PCDHGA3: variants seen among roughly 807,000 people sequenced by gnomAD.
PCDHGA3 encodes protocadherin gamma-A3.
PCDHGA3 carries 40 observed loss-of-function variants against 58.5 expected under a neutral mutation model. The ratio of observed to expected loss-of-function variants is 0.68; its 90% CI spans 0.53 to 0.89. The LOEUF (loss-of-function observed/expected upper bound fraction) is 0.89, where lower values mean the gene tolerates loss of function less well. Among genes scored for constraint, PCDHGA3 ranks in the 40% least tolerant of loss-of-function variants. PCDHGA3 has a pLI of 0.00. For missense variants in PCDHGA3, 1,223 were observed against 1,195.9 expected (o/e 1.02, Z -0.33); for synonymous variants, 530 against 525.7 (o/e 1.01, Z -0.11).
intron 2 of PCDHGA3, among the ~76,000 whole-genome samples, chr5:141,497,781 C>T (rs2099779421): frequency 1.3e-5 from 2 of 152,192 alleles, no homozygotes; most frequent in African/African-American, 4.8e-5. Flanking sequence ...CTCAACTGAT[C>T]CACCTGCTTC....
chr5:141,500,258 G>A lies in PCDHGA3; in HGVS notation c.2484-5135G>A, dbSNP rs2099798463. On this transcript the variant is annotated intron_variant, in intron 2 of 3. Coordinates refer to ENST00000253812, the MANE Select transcript of PCDHGA3 (RefSeq NM_018916.4). ...TAGCCTTGCTCTGTCACCCAGGCTG[G>A]ACTGCAGTGGCGCAATCTCGGCTCA... Among the ~76,000 whole-genome samples the A allele has an allele frequency of 2.0e-5, 3 of 150,738 alleles. No homozygotes were observed. In the South Asian group the frequency reaches 6.3e-4, roughly 32 times the overall value.
At chr5:141,351,600 T>C (rs1758767582) in intron 1 of PCDHGA3, 1 of 1,613,908 alleles carries the variant, frequency 6.2e-7, no homozygotes, top group Admixed American at 1.7e-5. Context: ...AATGCACCTG[T>C]TTTCCATCAG....
At chr5:141,478,161 C>T (rs201111122) in intron 1 of PCDHGA3, 20 of 1,613,852 alleles carry the variant, frequency 1.2e-5, no homozygotes, top group Admixed American at 3.3e-5. Context: ...TCTGGCTCTG[C>T]CCCCCGGGAG....
Position 141,502,485 on chromosome 5 carries a change from G to A in PCDHGA3, c.2484-2908G>A, listed in dbSNP as rs187600890. ...AATACTTCCCGCAGCATCACACTGG[G>A]ACTCATCTAACGTCGGCCTGTCCCA... On this transcript the variant is annotated intron_variant, in intron 2 of 3. Coordinates refer to ENST00000253812, the MANE Select transcript of PCDHGA3 (RefSeq NM_018916.4). 8.4e-3 allele frequency among the ~76,000 whole-genome samples: 1,276 copies of A among 152,270 alleles called. 22 individuals carry two copies. Among genetic ancestry groups the A allele is most frequent in the African/African-American group, 0.028 (1,151 of 41,542 alleles).
chr5:141,431,464 G>A lies in PCDHGA3; in HGVS notation c.2425-63343G>A. The A allele has an allele frequency of 1.9e-6, 3 of 1,613,782 alleles. No individual in the cohort carries two copies. Among genetic ancestry groups the A allele is most frequent in the Non-Finnish European group, 1.7e-6 (2 of 1,179,972 alleles). ...GCATCCGCGTGATGGTTCTGGATGC[G>A]AACGACAACGCACCAGCGTTTGCTC... On this transcript the variant is annotated intron_variant, in intron 1 of 3. Coordinates refer to ENST00000253812, the MANE Select transcript of PCDHGA3 (RefSeq NM_018916.4). This position sits in a 1 kb window ranked among gnomAD's most constrained non-coding sequence, Gnocchi z 4.8.
Position 141,374,612 on chromosome 5 carries a change from C to T in PCDHGA3, c.2424+28155C>T. The T allele has an allele frequency of 1.9e-6, 3 of 1,613,552 alleles. 1 individual carries two copies. The highest frequency in any genetic ancestry group is 1.1e-5 in the South Asian group (1 of 91,056). On this transcript the variant is annotated intron_variant, in intron 1 of 3. Transcript: ENST00000253812. ...GGGATTTAAGCTCAGTGGTAATAGT[C>T]ACTTCTCAGTGGACGTGCAAAGCGA...
rs3074545 is a variant in PCDHGA3, at chr5:141,482,530, C to CAAAAAAA, written c.2425-12264_2425-12258dup. On this transcript the variant is annotated intron_variant, in intron 1 of 3. Coordinates refer to ENST00000253812, the MANE Select transcript of PCDHGA3 (RefSeq NM_018916.4). ...CAGAGTACAGTATGAGACAGACATG[C>CAAAAAAA]AAAAAAAAAAAAAAAAAAAGATAAT... Among the ~76,000 whole-genome samples the CAAAAAAA allele has an allele frequency of 6.5e-4, 50 of 76,534 alleles. 2 individuals are homozygous for CAAAAAAA. The highest frequency in any genetic ancestry group is 1.7e-3 in the African/African-American group (35 of 20,860). 50.2% of individuals were successfully genotyped at this position (76,534 alleles called of 152,430 possible).
rs2095058812 is a variant in PCDHGA3 at position 141,408,208 on chromosome 5, A to T, written c.2424+61751A>T. ...AGCGAGAACCCGAGCGAACGATGGGAGGGAGCTGCGCGCAGAGGCGCCGGG... is the reference window on the plus strand; with the variant it reads ...AGCGAGAACCCGAGCGAACGATGGGTGGGAGCTGCGCGCAGAGGCGCCGGG... On this transcript the variant is annotated intron_variant, in intron 1 of 3. Transcript: ENST00000253812. The T allele has an allele frequency of 1.9e-6, 3 of 1,553,236 alleles. No homozygotes were observed. The East Asian group carries it at 7.3e-5, about 38-fold the overall frequency.
intron 1 of PCDHGA3, chr5:141,352,079 GC>G: frequency 1.2e-6 from 2 of 1,604,962 alleles, no homozygotes; most frequent in Non-Finnish European, 1.7e-6. Context: ...CGTGCTGCAG[GC>G]CAGCGAGCCC....
chr5:141,422,317 G>A (rs1266672163), intron 1 of PCDHGA3: 2 of 1,548,092 alleles, frequency 1.3e-6, no homozygotes, highest in Non-Finnish European at 1.7e-6. Context: ...CTCTCCTCCA[G>A]GTACAGTGAT....
chr5:141,381,832 T>TCTTC (rs1561589349), intron 1 of PCDHGA3, among the ~76,000 whole-genome samples: 34 of 135,172 alleles, frequency 2.5e-4, no homozygotes, highest in African/African-American at 1.0e-3. Context: ...TCTTCTTTTT[T>TCTTC]TTTTTTTTTT....
intron 1 of PCDHGA3, chr5:141,421,226 C>A (rs368125665): frequency 3.7e-5 from 58 of 1,584,718 alleles, no homozygotes; most frequent in Non-Finnish European, 4.6e-5. Context: ...TTAGAGCCTG[C>A]CATGGCGAAT....
In PCDHGA3 at chr5:141,491,907, G is replaced by A; in HGVS notation, c.2425-2900G>A. 5 of 1,408,726 alleles carry A rather than the reference G, an allele frequency of 3.5e-6. No homozygotes were observed. In the South Asian group the frequency reaches 7.5e-5, roughly 21 times the overall value. The allele number at this position is 1,408,726 out of a possible 1,614,324, so 87.3% of individuals were successfully genotyped here. A position where few individuals can be genotyped will look rare whatever the true frequency, so the allele number is the denominator to read the frequency against. ...TGGGGCTCCGAGCACCGGGGGTGGTGGCGACTGTGGGCGAGGGGAGGTGGG... is the reference window on the plus strand; with the variant it reads ...TGGGGCTCCGAGCACCGGGGGTGGTAGCGACTGTGGGCGAGGGGAGGTGGG... On this transcript the variant is annotated intron_variant, in intron 1 of 3. Coordinates refer to ENST00000253812, the MANE Select transcript of PCDHGA3 (RefSeq NM_018916.4). This position sits in a 1 kb window ranked among gnomAD's most constrained non-coding sequence, Gnocchi z 6.9.
intron 1 of PCDHGA3, chr5:141,420,411 T>C: frequency 8.1e-7 from 1 of 1,229,398 alleles, no homozygotes; most frequent in Non-Finnish European, 1.1e-6. Context: ...ATGGTTATCA[T>C]TATTAAAACA....
intron 1 of PCDHGA3, among the ~76,000 whole-genome samples, chr5:141,434,248 G>A (rs1347428778): frequency 2.0e-5 from 3 of 152,188 alleles, no homozygotes; most frequent in Non-Finnish European, 2.9e-5. Flanking sequence ...GATGACTTGG[G>A]CATTGTGGGG....
chr5:141,491,646 G>T lies in PCDHGA3; in HGVS notation c.2425-3161G>T. On this transcript the variant is annotated intron_variant, in intron 1 of 3. Transcript: ENST00000253812. The surrounding 1 kb of genome is among the most constrained non-coding windows in gnomAD (Gnocchi z 6.9). ...GCGTTCAGCAGCCCACAGCTCTGGC[G>T]CTGGAGCCTGACGCCATCCGGTCCC... is the stretch of plus-strand genomic sequence containing the variant. 1 of 1,613,872 alleles carries T rather than the reference G, an allele frequency of 6.2e-7. No individual in the cohort carries two copies. The highest frequency in any genetic ancestry group is 8.5e-7 in the Non-Finnish European group (1 of 1,180,030).
chr5:141,361,602 C>T, intron 1 of PCDHGA3: 1 of 1,614,054 alleles, frequency 6.2e-7, no homozygotes. Context: ...AAGTTTCCTA[C>T]TCCATCGTAG....
intron 1 of PCDHGA3, among the ~76,000 whole-genome samples, chr5:141,447,413 C>T (rs1279399546): frequency 6.6e-6 from 1 of 152,204 alleles, no homozygotes; most frequent in Non-Finnish European, 1.5e-5. Flanking sequence ...GCTGGGATTA[C>T]AGGCGTGAGC....
In PCDHGA3 at chr5:141,477,813, A is replaced by T; in HGVS notation, c.2425-16994A>T. ...ACTGATCGCAATGACAATGCCCCCC[A>T]GGTCCTATATCCTCGGCCAGGTGGG... On this transcript the variant is annotated intron_variant, in intron 1 of 3. Coordinates refer to ENST00000253812, the MANE Select transcript of PCDHGA3 (RefSeq NM_018916.4). The surrounding 1 kb of genome is among the most constrained non-coding windows in gnomAD (Gnocchi z 4.9). The T allele has an allele frequency of 6.2e-7, 1 of 1,614,122 alleles. No homozygotes were observed. The highest frequency in any genetic ancestry group is 1.1e-5 in the South Asian group (1 of 91,084).
Sources: gnomAD v4.1 joint callset for allele counts (sites outside exome capture counted in the v4.1 genomes callset) on GRCh38, gnomAD v4.1.1 for gene constraint, Gnocchi (gnomAD v3.1) non-coding constraint, MANE v1.5 for transcripts, NCBI Gene and HGNC (gene_info 2026-07-23, HGNC 2026-07-21) for gene names.